The following MRPL1 variants were observed in gnomAD, a reference collection of about 807,000 sequenced individuals.
MRPL1 encodes mitochondrial ribosomal protein L1.
In MRPL1, 28 loss-of-function variants were observed where a neutral mutation model predicts 38.0. The observed-to-expected ratio is 0.74, with a 90% CI of 0.55 to 1.01. MRPL1 has a LOEUF of 1.01. Ranked by LOEUF, MRPL1 falls within the 50% of genes least tolerant of loss-of-function variation. The pLI is 0.00. For synonymous variants in MRPL1, 123 were observed against 126.7 expected (o/e 0.97, Z 0.20); for missense variants, 358 against 389.8 (o/e 0.92, Z 0.69).
At chr4:77,902,931 G>A (rs891870387) in intron 6 of MRPL1, among the ~76,000 whole-genome samples, 1 of 152,148 alleles carries the variant, frequency 6.6e-6, no homozygotes, top group African/African-American at 2.4e-5. Flanking sequence ...ACGTTTTAAG[G>A]AAGAAATAAT....
At chr4:77,863,093 G>A (rs971353943) in intron 1 of MRPL1, 118 of 600,256 alleles carry the variant, frequency 2.0e-4, no homozygotes, top group Middle Eastern at 1.3e-3. Flanking sequence ...GGAGGGAGTG[G>A]GAGCGGGACG....
At chr4:77,898,157 C>A (rs1272768000) in intron 6 of MRPL1, among the ~76,000 whole-genome samples, 1 of 152,154 alleles carries the variant, frequency 6.6e-6, no homozygotes, top group African/African-American at 2.4e-5. Context: ...GAGAGACCTT[C>A]CATGACCATC....
At chr4:77,951,780 T>C (rs1464187477) in intron 8 of MRPL1, among the ~76,000 whole-genome samples, 1 of 152,212 alleles carries the variant, frequency 6.6e-6, no homozygotes, top group East Asian at 1.9e-4. Flanking sequence ...TTAATTGGTA[T>C]GTCTGCATGA....
At chr4:77,888,375 C>CATGCCTG (rs1307173383) in intron 5 of MRPL1, among the ~76,000 whole-genome samples, 2 of 152,016 alleles carry the variant, frequency 1.3e-5, no homozygotes, top group Non-Finnish European at 2.9e-5. Flanking sequence ...CGTGGTGGCA[C>CATGCCTG]ATGCCTGTAA....
At chr4:77,926,056 C>G (rs1479650990) in intron 7 of MRPL1, among the ~76,000 whole-genome samples, 1 of 152,198 alleles carries the variant, frequency 6.6e-6, no homozygotes, top group Non-Finnish European at 1.5e-5. Context: ...CAAACACAAT[C>G]TAAACCTTAG....
chr4:77,898,561 G>C (rs1215814556), intron 6 of MRPL1, among the ~76,000 whole-genome samples: 2 of 151,992 alleles, frequency 1.3e-5, no homozygotes, highest in East Asian at 3.9e-4. Context: ...GCACATCTCG[G>C]CTCACTGCAA....
chr4:77,878,978 A>G (rs1471687251), intron 2 of MRPL1, among the ~76,000 whole-genome samples: 1 of 152,224 alleles, frequency 6.6e-6, no homozygotes, highest in Non-Finnish European at 1.5e-5. Context: ...GCTTTTGTAC[A>G]GTCTCTTATT....
chr4:77,869,324 A>G (rs901684483), intron 1 of MRPL1, among the ~76,000 whole-genome samples: 12 of 152,168 alleles, frequency 7.9e-5, no homozygotes, highest in African/African-American at 1.9e-4. Context: ...TCTGAGGGCT[A>G]TTTTCTCTGA....
intron 7 of MRPL1, among the ~76,000 whole-genome samples, chr4:77,941,125 C>T (rs1271425567): frequency 2.0e-5 from 3 of 152,060 alleles, no homozygotes; most frequent in Admixed American, 6.6e-5. Flanking sequence ...ATTAGCCGGG[C>T]GTGGTGGCAC....
chr4:77,920,830 T>C (rs575131097), intron 7 of MRPL1, among the ~76,000 whole-genome samples: 4 of 152,290 alleles, frequency 2.6e-5, no homozygotes, highest in Non-Finnish European at 5.9e-5. Flanking sequence ...TGGCACGAAC[T>C]TGACTCACTG....
chr4:77,924,229 T>G (rs1736656955), intron 7 of MRPL1, among the ~76,000 whole-genome samples: 1 of 71,104 alleles, frequency 1.4e-5, no homozygotes, highest in African/African-American at 1.0e-4. Context: ...GTACTATTAA[T>G]CAGTGTGTTT....
intron 1 of MRPL1, among the ~76,000 whole-genome samples, chr4:77,866,834 G>A (rs1025775429): frequency 1.2e-4 from 18 of 147,934 alleles, no homozygotes; most frequent in African/African-American, 4.3e-4. Flanking sequence ...TGCAACCTCC[G>A]CCTCCTGGGT....
intron 7 of MRPL1, among the ~76,000 whole-genome samples, chr4:77,944,238 T>C (rs891707776): frequency 2.6e-4 from 40 of 152,210 alleles, no homozygotes; most frequent in African/African-American, 9.2e-4. Flanking sequence ...ATGTGAACTG[T>C]CTTCAGGTCT....
chr4:77,907,401 A>G (rs1578050056), intron 6 of MRPL1, among the ~76,000 whole-genome samples: 1 of 151,952 alleles, frequency 6.6e-6, no homozygotes, highest in Admixed American at 6.6e-5. Flanking sequence ...TCTCTACCTA[A>G]TGGAGGACAA....
At chr4:77,951,533 G>A (rs991314077) in intron 8 of MRPL1, among the ~76,000 whole-genome samples, 5 of 152,154 alleles carry the variant, frequency 3.3e-5, no homozygotes, top group African/African-American at 7.2e-5. Flanking sequence ...CAGTAATACA[G>A]TACTTTTCAC....
intron 3 of MRPL1, among the ~76,000 whole-genome samples, 158 bp downstream of exon 3, chr4:77,883,658 G>C (rs1301090044): frequency 6.6e-6 from 1 of 151,968 alleles, no homozygotes; most frequent in Non-Finnish European, 1.5e-5. Flanking sequence ...GCTCACTGCA[G>C]ACTCCACCTC....
chr4:77,937,343 T>C (rs906904522), intron 7 of MRPL1, among the ~76,000 whole-genome samples: 3 of 152,164 alleles, frequency 2.0e-5, no homozygotes, highest in African/African-American at 7.2e-5. Context: ...ATGGCTTGTG[T>C]GTCCTGAAGT....
In MRPL1 at chr4:77,885,240, C is replaced by T; in HGVS notation, c.403-16C>T. 6.3e-7 allele frequency: 1 copy of T among 1,582,872 alleles called. No individual in the cohort carries two copies. The highest frequency in any genetic ancestry group is 8.7e-7 in the Non-Finnish European group (1 of 1,151,796). On this transcript the variant is annotated splice_polypyrimidine_tract_variant and intron_variant, in intron 3 of 8. Transcript: ENST00000315567. ...GATTAACTTTACGTAATTATTTTTC[C>T]TTGTCATGTGTTTAGAAAAACGTGG...
At chr4:77,891,482 A>G (rs1437300413) in intron 5 of MRPL1, among the ~76,000 whole-genome samples, 1 of 150,980 alleles carries the variant, frequency 6.6e-6, no homozygotes, top group East Asian at 2.0e-4. Flanking sequence ...CAGCCTCCCT[A>G]GTAGCTGGGA....
Sources: gnomAD v4.1 joint callset for allele counts (sites outside exome capture counted in the v4.1 genomes callset) on GRCh38, gnomAD v4.1.1 for gene constraint, MANE v1.5 for transcripts, NCBI Gene and HGNC (gene_info 2026-07-23, HGNC 2026-07-21) for gene names.